Variants in WAPL observed in about 807,000 individuals in gnomAD.
WAPL encodes the protein WAPL cohesin release factor, also known as wings apart-like protein homolog.
In WAPL, 5 loss-of-function variants were observed where a neutral mutation model predicts 121.0. The observed-to-expected ratio is 0.04, with a 90% CI of 0.02 to 0.09. WAPL has a LOEUF of 0.09. Among genes scored for constraint, WAPL ranks in the 10% least tolerant of loss-of-function variants. The pLI, the probability that WAPL is intolerant of heterozygous loss-of-function variation, is 1.00. For missense variants in WAPL, 999 were observed against 1,410.8 expected (o/e 0.71, Z 4.68); for synonymous variants, 480 against 481.5 (o/e 1.00, Z 0.04).
At chr10:86,482,849 C>T (rs1200340693) in intron 4 of WAPL, among the ~76,000 whole-genome samples, 1 of 152,084 alleles carries the variant, frequency 6.6e-6, no homozygotes, top group Non-Finnish European at 1.5e-5. Flanking sequence ...GGATTTTGGT[C>T]AAAGGGTAGA....
chr10:86,507,353 G>A (rs916305337), intron 2 of WAPL, among the ~76,000 whole-genome samples: 5 of 106,736 alleles, frequency 4.7e-5, no homozygotes, highest in African/African-American at 7.8e-5. Flanking sequence ...GGGCGTCAGC[G>A]AGACTCTGTC....
chr10:86,457,609 T>C (rs1220656447), intron 12 of WAPL, among the ~76,000 whole-genome samples: 1 of 151,614 alleles, frequency 6.6e-6, no homozygotes, highest in African/African-American at 2.4e-5. Context: ...GCCGAGATCA[T>C]GCCACTGTAC....
intron 4 of WAPL, among the ~76,000 whole-genome samples, chr10:86,474,317 G>A (rs113768917): frequency 1.5e-4 from 23 of 151,476 alleles, no homozygotes; most frequent in African/African-American, 5.6e-4. Flanking sequence ...AGTTTGAGAC[G>A]AGCCTGGTCA....
intron 9 of WAPL, among the ~76,000 whole-genome samples, chr10:86,462,954 C>T (rs374054128): frequency 1.4e-4 from 21 of 152,232 alleles, no homozygotes; most frequent in African/African-American, 4.6e-4. Flanking sequence ...AATTAAAACT[C>T]GAGCCTTTTT....
At position 86,495,150 on chromosome 10, in the gene WAPL, C is replaced by G. The variant is rs572610025; in HGVS notation, c.1644+2051G>C. 6.6e-5 allele frequency among the ~76,000 whole-genome samples: 10 copies of G among 152,224 alleles called. No individual in the cohort carries two copies. In the South Asian group the frequency reaches 2.1e-3, roughly 32 times the overall value. On this transcript the variant is annotated intron_variant, in intron 4 of 18. Coordinates refer to ENST00000298767, the MANE Select transcript of WAPL (RefSeq NM_015045.5). ...TTAAATAACAAAACACTATAACAAG[C>G]TATTTAAGGAATTTTTTACAAAAAA...
chr10:86,521,633 G>C lies in WAPL; in HGVS notation c.-291C>G, dbSNP rs986820717. ...CGCCACTGCTGGAGCTGGTAACAGA[G>C]CCTGCTGTGTGCCCCCGCTGGGCCG... On this transcript the variant is annotated 5_prime_UTR_variant, in exon 1 of 19. Coordinates refer to ENST00000298767, the MANE Select transcript of WAPL (RefSeq NM_015045.5). 1 of 460,846 alleles carries C rather than the reference G, an allele frequency of 2.2e-6. No homozygotes were observed. The highest frequency in any genetic ancestry group is 4.5e-6 in the Non-Finnish European group (1 of 223,676). 28.5% of individuals were successfully genotyped at this position (460,846 alleles called of 1,614,324 possible). A position where few individuals can be genotyped will look rare whatever the true frequency, so the allele number is the denominator to read the frequency against.
chr10:86,473,691 C>A (rs932384395), intron 5 of WAPL, among the ~76,000 whole-genome samples, 187 bp downstream of exon 5: 3 of 152,138 alleles, frequency 2.0e-5, no homozygotes, highest in African/African-American at 7.2e-5. Flanking sequence ...ACTAGAATTT[C>A]TGCTATCTTA....
intron 2 of WAPL, among the ~76,000 whole-genome samples, chr10:86,507,036 G>C (rs1268154574): frequency 7.3e-6 from 1 of 137,698 alleles, no homozygotes; most frequent in African/African-American, 2.7e-5. Context: ...ATAATAAAAA[G>C]ACAACAAAAA....
intron 2 of WAPL, among the ~76,000 whole-genome samples, chr10:86,508,758 CTTTTTTTTTTTTTTT>C (rs34530024): frequency 8.6e-6 from 1 of 116,786 alleles, no homozygotes; most frequent in South Asian, 2.6e-4. Context: ...ATTGAAAGTT[CTTTTTTTTTTTTTTT>C]TTTGAGACAG....
chr10:86,512,005 T>A (rs1362046594), intron 2 of WAPL, among the ~76,000 whole-genome samples: 2 of 152,232 alleles, frequency 1.3e-5, no homozygotes, highest in East Asian at 3.8e-4. Context: ...ATGATTTAAA[T>A]ATATTCTACA....
rs1377592507 is a variant in WAPL at position 86,472,678 on chromosome 10, C to T, written c.1827G>A (p.Val609=). ...CTTGGTAGGGCTGAGTAGGTATTGTCACAGTTTTTATCACTTTGGATGGTG... is the reference window on the plus strand; with the variant it reads ...CTTGGTAGGGCTGAGTAGGTATTGTTACAGTTTTTATCACTTTGGATGGTG... The part of the protein sequence containing the change: ...PAPPSKVIKT[V]TIPTQPYQDI... Residue 609 remains valine, a synonymous_variant, in exon 6 of 19, where the codon GTG becomes GTA. Transcript: ENST00000298767. The surrounding 1 kb of genome is among the most constrained non-coding windows in gnomAD (Gnocchi z 4.2). 1.2e-6 allele frequency: 2 copies of T among 1,613,744 alleles called. No individual in the cohort carries two copies. The highest frequency in any genetic ancestry group is 2.7e-5 in the African/African-American group (2 of 74,880).
chr10:86,467,224 C>G lies in WAPL; in HGVS notation c.2370+55G>C, dbSNP rs118062138. 5.8e-3 allele frequency: 9,028 copies of G among 1,545,372 alleles called. 29 individuals carry two copies. The highest frequency in any genetic ancestry group is 7.2e-3 in the Non-Finnish European group (8,109 of 1,124,450). ...ACAGTCACACAGCTACTGCAACTAA[C>G]CAAAGACTTTCTGAAAGTAATTCTC... is the stretch of plus-strand genomic sequence containing the variant. On this transcript the variant is annotated intron_variant, in intron 9 of 18. Transcript: ENST00000298767.
At position 86,521,492 on chromosome 10, in the gene WAPL, G is replaced by C. The variant is rs1564594525; in HGVS notation, c.-150C>G. On this transcript the variant is annotated 5_prime_UTR_variant, in exon 1 of 19. Transcript: ENST00000298767. ...GGCAGGTGAGAGCCGAGAGAGGCGA[G>C]GGACTCTGCTTTCGGTAAATAGGAA... 2.9e-6 allele frequency: 1 copy of C among 345,210 alleles called. No homozygotes were observed. Among genetic ancestry groups the C allele is most frequent in the Non-Finnish European group, 5.8e-6 (1 of 173,048 alleles). The allele number at this position is 345,210 out of a possible 1,614,324, so 21.4% of individuals were successfully genotyped here.
chr10:86,465,519 A>G (rs566094239), intron 9 of WAPL, among the ~76,000 whole-genome samples: 2 of 152,316 alleles, frequency 1.3e-5, no homozygotes, highest in East Asian at 3.9e-4. Flanking sequence ...CTTCTGATTA[A>G]CATCTGTTCT....
chr10:86,456,581 A>C (rs117004229), intron 12 of WAPL, among the ~76,000 whole-genome samples: 2,765 of 152,322 alleles, frequency 0.018, 34 homozygotes, highest in Non-Finnish European at 0.028. Context: ...TATATATCAC[A>C]CAAAATTCTT....
chr10:86,519,943 T>C (rs566719938), intron 1 of WAPL, among the ~76,000 whole-genome samples: 12 of 152,342 alleles, frequency 7.9e-5, no homozygotes, highest in Admixed American at 2.0e-4. Context: ...TGTTGAAAGT[T>C]TGAAGTCTTC....
At position 86,511,058 on chromosome 10, in the gene WAPL, G is replaced by T. The variant is rs554749269; in HGVS notation, c.499+6513C>A. 2.2e-4 allele frequency among the ~76,000 whole-genome samples: 34 copies of T among 152,116 alleles called. No individual in the cohort carries two copies. In the East Asian group the frequency reaches 6.6e-3, roughly 29 times the overall value. ...GACCAGGCTGGTTTTGAACTCCTGGGCTCACGCCATCCTCCCACTTTGGCC... is the reference window on the plus strand; with the variant it reads ...GACCAGGCTGGTTTTGAACTCCTGGTCTCACGCCATCCTCCCACTTTGGCC... On this transcript the variant is annotated intron_variant, in intron 2 of 18. Coordinates refer to ENST00000298767, the MANE Select transcript of WAPL (RefSeq NM_015045.5).
chr10:86,467,224 C>T lies in WAPL; in HGVS notation c.2370+55G>A, dbSNP rs118062138. On this transcript the variant is annotated intron_variant, in intron 9 of 18. Transcript: ENST00000298767. ...ACAGTCACACAGCTACTGCAACTAACCAAAGACTTTCTGAAAGTAATTCTC... is the reference window on the plus strand; with the variant it reads ...ACAGTCACACAGCTACTGCAACTAATCAAAGACTTTCTGAAAGTAATTCTC... 3.9e-6 allele frequency: 6 copies of T among 1,545,304 alleles called. No homozygotes were observed. The South Asian group carries it at 5.7e-5, about 15-fold the overall frequency.
At position 86,515,217 on chromosome 10, in the gene WAPL, C is replaced by T. The variant is rs139658357; in HGVS notation, c.499+2354G>A. Among the ~76,000 whole-genome samples, 108 of 150,682 alleles carry T rather than the reference C, an allele frequency of 7.2e-4. 2 individuals are homozygous for T. Among genetic ancestry groups the T allele is most frequent in the African/African-American group, 2.3e-3 (93 of 40,964 alleles). ...CGGAGGTTGCAGTGAGCCAAGATAGCGCCATCGCACTCCAGCCTGGGGGGA... is the reference window on the plus strand; with the variant it reads ...CGGAGGTTGCAGTGAGCCAAGATAGTGCCATCGCACTCCAGCCTGGGGGGA... On this transcript the variant is annotated intron_variant, in intron 2 of 18. Transcript: ENST00000298767.
Sources: gnomAD v4.1 joint callset for allele counts (sites outside exome capture counted in the v4.1 genomes callset) on GRCh38, gnomAD v4.1.1 for gene constraint, Gnocchi (gnomAD v3.1) non-coding constraint, MANE v1.5 for transcripts, NCBI Gene and HGNC (gene_info 2026-07-23, HGNC 2026-07-21) for gene names.